Variants in ARHGAP15 observed in about 807,000 individuals in gnomAD.
The protein encoded by ARHGAP15 is rho GTPase-activating protein 15.
ARHGAP15 carries 51 observed loss-of-function variants against 63.7 expected under a neutral mutation model. The ratio of observed to expected loss-of-function variants is 0.80; its 90% confidence interval spans 0.64 to 1.01. ARHGAP15 has a LOEUF of 1.01. Ranked by LOEUF, ARHGAP15 falls within the 50% of genes least tolerant of loss-of-function variation. ARHGAP15 has a pLI of 0.00. For synonymous variants in ARHGAP15, 191 were observed against 193.8 expected (o/e 0.99, Z 0.12); for missense variants, 560 against 564.6 (o/e 0.99, Z 0.08).
chr2:143,634,562 C>CAGAGCTTTAGTTAACA (rs1680211439), intron 12 of ARHGAP15, among the ~76,000 whole-genome samples: 1 of 151,346 alleles, frequency 6.6e-6, no homozygotes, highest in South Asian at 2.1e-4. Flanking sequence ...TTAACAGTCT[C>CAGAGCTTTAGTTAACA]AGAGCTTTAG....
intron 6 of ARHGAP15, among the ~76,000 whole-genome samples, chr2:143,337,325 A>G (rs1342664194): frequency 6.6e-6 from 1 of 152,196 alleles, no homozygotes. Context: ...GCTGAGTTAA[A>G]GATTTCATAT....
chr2:143,417,909 C>G (rs950428326), intron 6 of ARHGAP15, among the ~76,000 whole-genome samples: 3 of 152,118 alleles, frequency 2.0e-5, no homozygotes, highest in Admixed American at 6.5e-5. Context: ...ACTTGAGAAA[C>G]CAATTTTTGG....
chr2:143,626,513 T>C (rs2105245563), intron 12 of ARHGAP15, among the ~76,000 whole-genome samples: 1 of 152,202 alleles, frequency 6.6e-6, no homozygotes, highest in East Asian at 1.9e-4. Flanking sequence ...AGGTTTATTG[T>C]GAAGAGCGAA....
At chr2:143,156,482 C>T (rs1690085097) in intron 2 of ARHGAP15, among the ~76,000 whole-genome samples, 1 of 151,868 alleles carries the variant, frequency 6.6e-6, no homozygotes, top group Admixed American at 6.6e-5. Context: ...GAGTTCCAGT[C>T]ACCCTGCAGA....
chr2:143,637,247 A>G (rs1041226896), intron 12 of ARHGAP15, among the ~76,000 whole-genome samples: 6 of 152,160 alleles, frequency 3.9e-5, no homozygotes, highest in African/African-American at 1.4e-4. Flanking sequence ...AGTGCAGAAT[A>G]AAGCTTCCTC....
intron 6 of ARHGAP15, among the ~76,000 whole-genome samples, chr2:143,260,931 C>A (rs1034073624): frequency 2.6e-5 from 4 of 152,158 alleles, no homozygotes; most frequent in East Asian, 1.9e-4. Context: ...AAAGTAAAAT[C>A]GATAATGATT....
chr2:143,760,956 A>C (rs1217070599), intron 13 of ARHGAP15, among the ~76,000 whole-genome samples: 6 of 152,164 alleles, frequency 3.9e-5, no homozygotes, highest in Non-Finnish European at 1.5e-5. Context: ...CTCGAAACAC[A>C]CTAATGTTAA....
chr2:143,416,136 A>T (rs1388569270), intron 6 of ARHGAP15, among the ~76,000 whole-genome samples: 3 of 144,962 alleles, frequency 2.1e-5, no homozygotes, highest in African/African-American at 8.1e-5. Flanking sequence ...ATAATAATTA[A>T]AAAAAAAAAA....
intron 9 of ARHGAP15, among the ~76,000 whole-genome samples, chr2:143,489,627 TTTTC>T (rs1165792767): frequency 2.6e-5 from 4 of 152,190 alleles, no homozygotes; most frequent in African/African-American, 9.7e-5. Flanking sequence ...TAATCCATTT[TTTTC>T]TTACACTTAA....
intron 6 of ARHGAP15, among the ~76,000 whole-genome samples, chr2:143,406,846 C>G (rs1372804554): frequency 1.3e-5 from 2 of 151,778 alleles, no homozygotes; most frequent in African/African-American, 4.8e-5. Flanking sequence ...TCAGGTTTCT[C>G]CCATCTTATG....
Position 143,155,576 on chromosome 2 carries a change from A to G in ARHGAP15, c.86A>G (p.Lys29Arg). 6 of 1,609,360 alleles carry G rather than the reference A, an allele frequency of 3.7e-6. No individual in the cohort carries two copies. Among genetic ancestry groups the G allele is most frequent in the Non-Finnish European group, 5.1e-6 (6 of 1,178,014 alleles). Residue 29 changes from lysine to arginine, a missense_variant, in exon 2 of 14, where the codon AAA (lysine) becomes AGA (arginine). Physicochemically the swap from Lys to Arg is conservative, Grantham distance 26. Transcript: ENST00000295095. Reference sequence around the variant, plus strand: ...ACAGGAGCTGTGCAAATGAGAATCAAAAATGCCAACAGCCACCATGACAGG... The same window carrying G: ...ACAGGAGCTGTGCAAATGAGAATCAGAAATGCCAACAGCCACCATGACAGG... ...QGTGAVQMRI[K>R]NANSHHDRLS...
intron 2 of ARHGAP15, among the ~76,000 whole-genome samples, chr2:143,166,064 A>AGAAAGAAAG (rs200909201): frequency 3.3e-5 from 5 of 151,360 alleles, no homozygotes; most frequent in Non-Finnish European, 5.9e-5. Context: ...AAAGAAAGAA[A>AGAAAGAAAG]AAAAATATCT....
rs6430018 is a variant in ARHGAP15 at position 143,274,032 on chromosome 2, G to A, written c.474+23432G>A. ...AAAGTATGGCTTTCTGCATTTGGTGGCCATCCATTTTATTGTAATCACTAC... is the reference window on the plus strand; with the variant it reads ...AAAGTATGGCTTTCTGCATTTGGTGACCATCCATTTTATTGTAATCACTAC... On this transcript the variant is annotated intron_variant, in intron 6 of 13. Coordinates refer to ENST00000295095, the MANE Select transcript of ARHGAP15 (RefSeq NM_018460.4). Among the ~76,000 whole-genome samples, 538 of 152,094 alleles carry A rather than the reference G, an allele frequency of 3.5e-3. 5 individuals carry two copies. The highest frequency in any genetic ancestry group is 0.012 in the African/African-American group (514 of 41,490).
chr2:143,723,385 A>G (rs1051680642), intron 13 of ARHGAP15, among the ~76,000 whole-genome samples: 5 of 152,222 alleles, frequency 3.3e-5, no homozygotes, highest in Admixed American at 3.3e-4. Context: ...CAAAGCCGGA[A>G]AGCCAACAGT....
At chr2:143,528,294 A>G (rs1037903723) in intron 10 of ARHGAP15, among the ~76,000 whole-genome samples, 1 of 151,984 alleles carries the variant, frequency 6.6e-6, no homozygotes. Context: ...TAAGCCCCAC[A>G]TCTTTTCCTT....
chr2:143,640,107 G>A (rs1033051259), intron 12 of ARHGAP15, among the ~76,000 whole-genome samples: 1 of 152,016 alleles, frequency 6.6e-6, no homozygotes, highest in Non-Finnish European at 1.5e-5. Context: ...CGAAAATATC[G>A]TTTTATGTCT....
chr2:143,146,967 A>G lies in ARHGAP15; in HGVS notation c.-14-8510A>G, dbSNP rs1689616061. On this transcript the variant is annotated intron_variant, in intron 1 of 13. Transcript: ENST00000295095. The stretch of plus-strand genomic sequence containing the variant: ...TCAAGTACTAATTATGCAATATGCA[A>G]CTTCCACATATTTGAACCCTGGGCA... 3.9e-5 allele frequency among the ~76,000 whole-genome samples: 6 copies of G among 152,084 alleles called. 1 individual carries two copies. The South Asian group carries it at 1.0e-3, about 26-fold the overall frequency.
At chr2:143,469,993 G>T (rs1691440413) in intron 8 of ARHGAP15, among the ~76,000 whole-genome samples, 1 of 150,552 alleles carries the variant, frequency 6.6e-6, no homozygotes, top group South Asian at 2.1e-4. Flanking sequence ...ATAATTGTCA[G>T]ATACAGAGAA....
At chr2:143,396,372 A>G (rs1000910695) in intron 6 of ARHGAP15, among the ~76,000 whole-genome samples, 2 of 152,186 alleles carry the variant, frequency 1.3e-5, no homozygotes, top group African/African-American at 4.8e-5. Flanking sequence ...CCATAACTAC[A>G]TTTTCAATAA....
Sources: gnomAD v4.1 joint callset for allele counts (sites outside exome capture counted in the v4.1 genomes callset) on GRCh38, gnomAD v4.1.1 for gene constraint, MANE v1.5 for transcripts, NCBI Gene and HGNC (gene_info 2026-07-23, HGNC 2026-07-21) for gene names.